BNC2: variants seen among roughly 807,000 people sequenced by gnomAD.
The protein encoded by BNC2 is basonuclin zinc finger protein 2.
A neutral mutation model predicts 76.3 loss-of-function variants in BNC2; 20 were observed. The ratio of observed to expected loss-of-function variants is 0.26; its 90% CI spans 0.18 to 0.38. The LOEUF is 0.38. BNC2 is among the 10% of genes least tolerant of loss of function. BNC2 has a pLI of 1.00. For missense variants in BNC2, 1,382 were observed against 1,399.8 expected (o/e 0.99, Z 0.20); for synonymous variants, 582 against 514.8 (o/e 1.13, Z -1.77).
intron 5 of BNC2, among the ~76,000 whole-genome samples, chr9:16,468,519 C>A (rs1342172152): frequency 6.6e-6 from 1 of 152,050 alleles, no homozygotes; most frequent in Non-Finnish European, 1.5e-5. Context: ...CCTCAGCCTC[C>A]CGAATAGCTG....
chr9:16,784,172 G>T (rs796571071), intron 1 of BNC2, among the ~76,000 whole-genome samples: 12 of 152,296 alleles, frequency 7.9e-5, no homozygotes, highest in African/African-American at 2.9e-4. Flanking sequence ...TAGCACTGGA[G>T]ATTCTGGGAG....
chr9:16,830,007 A>G (rs899925105), intron 1 of BNC2, among the ~76,000 whole-genome samples: 5 of 152,210 alleles, frequency 3.3e-5, no homozygotes, highest in Admixed American at 2.0e-4. Flanking sequence ...TTTAGAGACT[A>G]TGTATAAAAA....
chr9:16,603,414 C>T (rs1012552593), intron 3 of BNC2, among the ~76,000 whole-genome samples: 4 of 152,152 alleles, frequency 2.6e-5, no homozygotes, highest in African/African-American at 7.2e-5. Flanking sequence ...ACATTAACTG[C>T]TACCAATGCA....
chr9:16,574,107 C>T (rs997937370), intron 4 of BNC2, among the ~76,000 whole-genome samples: 1 of 152,080 alleles, frequency 6.6e-6, no homozygotes, highest in African/African-American at 2.4e-5. Context: ...CCTAGTTTAT[C>T]CTGAGTAAAA....
intron 1 of BNC2, among the ~76,000 whole-genome samples, chr9:16,828,204 C>T (rs1329668012): frequency 6.6e-6 from 1 of 152,016 alleles, no homozygotes; most frequent in East Asian, 1.9e-4. Context: ...TCTTTTAATA[C>T]CAAAATATTC....
chr9:16,498,097 A>ATG (rs1190554274), intron 5 of BNC2, among the ~76,000 whole-genome samples: 2 of 147,166 alleles, frequency 1.4e-5, no homozygotes, highest in East Asian at 2.0e-4. Context: ...ATTCCATCAT[A>ATG]TATATATTCT....
chr9:16,536,716 T>A (rs765745002), intron 5 of BNC2, among the ~76,000 whole-genome samples: 35 of 152,156 alleles, frequency 2.3e-4, no homozygotes, highest in African/African-American at 8.4e-4. Flanking sequence ...AGAGAAAATA[T>A]AATAATCTTT....
chr9:16,869,649 AGAAG>A (rs1819628410), intron 1 of BNC2, among the ~76,000 whole-genome samples: 1 of 152,226 alleles, frequency 6.6e-6, no homozygotes, highest in African/African-American at 2.4e-5. Context: ...CAAACTAAAA[AGAAG>A]GGAGTGGTCA....
chr9:16,619,126 G>T (rs1377586229), intron 3 of BNC2, among the ~76,000 whole-genome samples: 1 of 151,960 alleles, frequency 6.6e-6, no homozygotes, highest in Non-Finnish European at 1.5e-5. Context: ...AATAATTCAA[G>T]AAAATTATAA....
At chr9:16,741,776 G>C (rs1198241451) in intron 1 of BNC2, among the ~76,000 whole-genome samples, 2 of 151,952 alleles carry the variant, frequency 1.3e-5, no homozygotes, top group Admixed American at 6.6e-5. Flanking sequence ...TGGCCAACGT[G>C]GTGAAACCCC....
At chr9:16,620,626 T>G (rs1416888358) in intron 3 of BNC2, among the ~76,000 whole-genome samples, 1 of 152,176 alleles carries the variant, frequency 6.6e-6, no homozygotes, top group African/African-American at 2.4e-5. Context: ...GTTTCTTATG[T>G]AGAGCCACCA....
chr9:16,753,424 C>G (rs1294730154), intron 1 of BNC2, among the ~76,000 whole-genome samples: 1 of 152,188 alleles, frequency 6.6e-6, no homozygotes, highest in East Asian at 1.9e-4. Flanking sequence ...AAGAAAAGCA[C>G]TCTTCACACG....
chr9:16,420,099 T>C (rs142892432), intron 6 of BNC2, among the ~76,000 whole-genome samples: 1 of 152,268 alleles, frequency 6.6e-6, no homozygotes, highest in East Asian at 1.9e-4. Context: ...TAAACATCTT[T>C]TCTATACAGC....
chr9:16,685,359 T>G (rs533319634), intron 3 of BNC2, among the ~76,000 whole-genome samples: 1 of 152,224 alleles, frequency 6.6e-6, no homozygotes, highest in South Asian at 2.1e-4. Context: ...AACAGACAAA[T>G]GATCTACAGT....
intron 5 of BNC2, among the ~76,000 whole-genome samples, chr9:16,498,022 T>C (rs1354186974): frequency 6.7e-6 from 1 of 150,280 alleles, no homozygotes; most frequent in Non-Finnish European, 1.5e-5. Context: ...TGTGTGTATG[T>C]ATTCCACCAT....
intron 3 of BNC2, among the ~76,000 whole-genome samples, chr9:16,608,641 G>A (rs1188512853): frequency 1.3e-5 from 2 of 152,058 alleles, no homozygotes; most frequent in African/African-American, 4.8e-5. Flanking sequence ...AAGTACCTGG[G>A]ACCACAGGTG....
chr9:16,764,498 T>C (rs1183154163), intron 1 of BNC2, among the ~76,000 whole-genome samples: 2 of 152,236 alleles, frequency 1.3e-5, no homozygotes, highest in Admixed American at 1.3e-4. Context: ...TCCTGTCATG[T>C]ACCCAAATTA....
intron 2 of BNC2, among the ~76,000 whole-genome samples, chr9:16,732,054 G>C (rs1824519871): frequency 6.7e-6 from 1 of 150,338 alleles, no homozygotes; most frequent in Admixed American, 6.7e-5. Context: ...GTTCTTTCTT[G>C]TTAGCTCTGT....
chr9:16,655,381 T>C (rs981273151), intron 3 of BNC2, among the ~76,000 whole-genome samples: 1 of 152,118 alleles, frequency 6.6e-6, no homozygotes, highest in African/African-American at 2.4e-5. Flanking sequence ...TTTGCCCCTA[T>C]ACACACCTGC....
Sources: allele counts gnomAD v4.1 joint callset (sites outside exome capture counted in the v4.1 genomes callset), GRCh38; gene constraint gnomAD v4.1.1; transcripts MANE v1.5; gene names NCBI Gene and HGNC (gene_info 2026-07-23, HGNC 2026-07-21).